The following GPC6 variants were observed in gnomAD, a reference collection of about 807,000 sequenced individuals.
GPC6 encodes glypican-6.
Under a neutral mutation model 55.2 loss-of-function variants are expected in GPC6, and 14 were observed. That is an observed-to-expected ratio of 0.25 (90% CI 0.17 to 0.40). The LOEUF (loss-of-function observed/expected upper bound fraction) is 0.40. Among genes scored for constraint, GPC6 ranks in the 10% least tolerant of loss-of-function variants. The probability of loss-of-function intolerance (pLI) is 1.00; values close to 1 mark genes in which losing one functional copy is unlikely to be tolerated. For synonymous variants in GPC6, 278 were observed against 259.6 expected (o/e 1.07, Z -0.68); for missense variants, 641 against 708.5 (o/e 0.90, Z 1.08).
At chr13:94,361,997 C>G (rs557818569) in intron 6 of GPC6, among the ~76,000 whole-genome samples, 4 of 152,258 alleles carry the variant, frequency 2.6e-5, no homozygotes, top group African/African-American at 9.6e-5. Context: ...TTTTACTGTT[C>G]TGGATCTAAG....
intron 4 of GPC6, among the ~76,000 whole-genome samples, chr13:94,274,488 C>T (rs1055726833): frequency 1.3e-5 from 2 of 152,142 alleles, no homozygotes; most frequent in African/African-American, 2.4e-5. Context: ...TTGTTTACCT[C>T]ATTCTGGGTA....
intron 6 of GPC6, among the ~76,000 whole-genome samples, chr13:94,373,485 TAAATG>T (rs1566732084): frequency 6.6e-6 from 1 of 152,038 alleles, no homozygotes; most frequent in African/African-American, 2.4e-5. Flanking sequence ...TGAAATGAAT[TAAATG>T]AAGCGAGAAC....
At chr13:93,614,234 A>T (rs1044974448) in intron 2 of GPC6, among the ~76,000 whole-genome samples, 11 of 152,228 alleles carry the variant, frequency 7.2e-5, no homozygotes, top group African/African-American at 1.7e-4. Flanking sequence ...AAAAATTTTT[A>T]AACTAAATGA....
At chr13:93,324,401 T>A (rs1879565593) in intron 1 of GPC6, among the ~76,000 whole-genome samples, 1 of 151,576 alleles carries the variant, frequency 6.6e-6, no homozygotes, top group African/African-American at 2.4e-5. Context: ...AGTCAATAAT[T>A]TAATTTAAAA....
intron 2 of GPC6, among the ~76,000 whole-genome samples, chr13:93,631,180 G>GA (rs755790961): frequency 3.3e-5 from 5 of 151,978 alleles, no homozygotes; most frequent in Non-Finnish European, 7.4e-5. Context: ...AGTGAAACAG[G>GA]GACTCTCCAC....
intron 1 of GPC6, among the ~76,000 whole-genome samples, chr13:93,471,515 C>T (rs1020860858): frequency 6.6e-6 from 1 of 152,018 alleles, no homozygotes; most frequent in African/African-American, 2.4e-5. Flanking sequence ...AGCGAGACTC[C>T]ATCTCAAAAG....
chr13:93,944,261 T>C (rs564166728), intron 3 of GPC6, among the ~76,000 whole-genome samples: 8 of 152,056 alleles, frequency 5.3e-5, no homozygotes, highest in Non-Finnish European at 1.2e-4. Flanking sequence ...TGGAGTGCAG[T>C]GGCGCCATCT....
At chr13:93,878,799 CT>C (rs1403841835) in intron 3 of GPC6, among the ~76,000 whole-genome samples, 2 of 152,072 alleles carry the variant, frequency 1.3e-5, no homozygotes, top group African/African-American at 2.4e-5. Context: ...CTACCCAGCC[CT>C]TAGAACTGTG....
chr13:93,404,396 G>C (rs1000945347), intron 1 of GPC6, among the ~76,000 whole-genome samples: 2 of 152,172 alleles, frequency 1.3e-5, no homozygotes, highest in South Asian at 4.2e-4. Context: ...TCATGGCAGT[G>C]GTTGCCATCA....
chr13:93,827,261 C>A (rs982211057), intron 2 of GPC6, among the ~76,000 whole-genome samples: 2 of 152,204 alleles, frequency 1.3e-5, no homozygotes, highest in Non-Finnish European at 2.9e-5. Context: ...GTTGCTTGCA[C>A]ATGATACTTC....
At chr13:93,257,199 G>C (rs1309889026) in intron 1 of GPC6, among the ~76,000 whole-genome samples, 2 of 152,062 alleles carry the variant, frequency 1.3e-5, no homozygotes, top group African/African-American at 4.8e-5. Flanking sequence ...TACTCAGGAG[G>C]CTGACGGGGA....
intron 1 of GPC6, among the ~76,000 whole-genome samples, chr13:93,284,065 G>A (rs139080499): frequency 7.4e-4 from 113 of 152,322 alleles, no homozygotes; most frequent in Non-Finnish European, 1.4e-3. Context: ...TACTGTGCTA[G>A]CTTTGTTTAT....
chr13:93,315,127 G>A (rs1879204972), intron 1 of GPC6, among the ~76,000 whole-genome samples: 1 of 150,440 alleles, frequency 6.6e-6, no homozygotes, highest in Non-Finnish European at 1.5e-5. Context: ...ATGTCCTTTT[G>A]AAAAACAAGT....
intron 3 of GPC6, among the ~76,000 whole-genome samples, chr13:93,923,543 A>G (rs1454637484): frequency 2.6e-5 from 4 of 152,190 alleles, no homozygotes; most frequent in Admixed American, 6.5e-5. Context: ...TAAACAATCA[A>G]TAGCCACTTT....
intron 1 of GPC6, among the ~76,000 whole-genome samples, chr13:93,484,705 G>C (rs567096353): frequency 6.6e-6 from 1 of 152,060 alleles, no homozygotes; most frequent in Non-Finnish European, 1.5e-5. Context: ...CTATTAAATT[G>C]AATGTATGTA....
At chr13:93,984,448 T>G (rs1213069776) in intron 3 of GPC6, among the ~76,000 whole-genome samples, 1 of 152,222 alleles carries the variant, frequency 6.6e-6, no homozygotes, top group Non-Finnish European at 1.5e-5. Flanking sequence ...TAAAATAGTA[T>G]CCCAAAAGTT....
intron 4 of GPC6, among the ~76,000 whole-genome samples, chr13:94,225,159 C>G (rs1255649395): frequency 6.6e-6 from 1 of 151,980 alleles, no homozygotes; most frequent in Non-Finnish European, 1.5e-5. Context: ...TAATCATTGG[C>G]CCTCTTCAAT....
intron 1 of GPC6, among the ~76,000 whole-genome samples, chr13:93,515,306 G>T (rs1432076260): frequency 6.6e-6 from 1 of 152,142 alleles, no homozygotes; most frequent in Non-Finnish European, 1.5e-5. Flanking sequence ...CCCAGCCTAT[G>T]ATCTTCTTGT....
intron 3 of GPC6, among the ~76,000 whole-genome samples, chr13:93,922,786 C>T (rs1024250350): frequency 6.6e-6 from 1 of 152,194 alleles, no homozygotes; most frequent in Non-Finnish European, 1.5e-5. Context: ...CATTCCAAAA[C>T]TCCTCCTGTT....
Sources: gnomAD v4.1 joint callset for allele counts (sites outside exome capture counted in the v4.1 genomes callset) on GRCh38, gnomAD v4.1.1 for gene constraint, MANE v1.5 for transcripts, NCBI Gene and HGNC (gene_info 2026-07-23, HGNC 2026-07-21) for gene names.